The following KALRN variants were observed in gnomAD, a reference collection of about 807,000 sequenced individuals.
KALRN encodes the protein kalirin RhoGEF kinase, also known as kalirin.
Under a neutral mutation model 353.7 loss-of-function variants are expected in KALRN, and 70 were observed. The ratio of observed to expected loss-of-function variants is 0.20; its 90% CI spans 0.16 to 0.24. The LOEUF (loss-of-function observed/expected upper bound fraction) is 0.24, where lower values mean the gene tolerates loss of function less well. KALRN is among the 10% of genes least tolerant of loss of function. KALRN has a pLI of 1.00. For synonymous variants in KALRN, 1,391 were observed against 1,434.8 expected, an observed-to-expected ratio of 0.97 and a Z score of 0.69; for missense variants, 2,791 against 3,756.7, an observed-to-expected ratio of 0.74 and a Z score of 6.72.
At chr3:124,597,321 A>G (rs757585720) in intron 34 of KALRN, among the ~76,000 whole-genome samples, 15 of 151,894 alleles carry the variant, frequency 9.9e-5, no homozygotes, top group Non-Finnish European at 1.8e-4. Flanking sequence ...TAAATGTGAA[A>G]CAGTGATAAC....
chr3:124,477,533 A>AT (rs1222491565), intron 27 of KALRN, among the ~76,000 whole-genome samples, 199 bp downstream of exon 27: 3 of 152,204 alleles, frequency 2.0e-5, no homozygotes, highest in African/African-American at 7.2e-5. Context: ...GACCAAAGTG[A>AT]TTTTGTACGA....
intron 37 of KALRN, among the ~76,000 whole-genome samples, chr3:124,640,363 T>A (rs1042958466): frequency 6.6e-6 from 1 of 150,550 alleles, no homozygotes; most frequent in Admixed American, 6.6e-5. Flanking sequence ...CTCGGTTCTC[T>A]GCAACCTCCA....
intron 33 of KALRN, among the ~76,000 whole-genome samples, chr3:124,546,375 GA>G (rs1276026268): frequency 6.6e-6 from 1 of 151,920 alleles, no homozygotes; most frequent in Non-Finnish European, 1.5e-5. Context: ...GAGCTGGGGG[GA>G]TCACTTGAAC....
chr3:124,402,064 A>T (rs1431923573), intron 13 of KALRN, among the ~76,000 whole-genome samples: 1 of 152,132 alleles, frequency 6.6e-6, no homozygotes, highest in East Asian at 1.9e-4. Flanking sequence ...ATTCCTCAGG[A>T]TTACTGAACA....
chr3:124,424,427 TC>T (rs2092927502), intron 15 of KALRN, among the ~76,000 whole-genome samples: 1 of 152,146 alleles, frequency 6.6e-6, no homozygotes, highest in African/African-American at 2.4e-5. Flanking sequence ...TTAAAGGTAT[TC>T]CTTCCTCTGA....
At chr3:124,554,446 G>A (rs1219737516) in intron 33 of KALRN, among the ~76,000 whole-genome samples, 1 of 152,094 alleles carries the variant, frequency 6.6e-6, no homozygotes, top group East Asian at 1.9e-4. Flanking sequence ...ACATTATCTT[G>A]CAACTCATCT....
chr3:124,139,483 A>C (rs1560055510), intron 1 of KALRN, among the ~76,000 whole-genome samples: 2 of 152,182 alleles, frequency 1.3e-5, no homozygotes, highest in Admixed American at 1.3e-4. Flanking sequence ...GGCCCTGCAC[A>C]GTATAGACTC....
chr3:124,601,148 A>T (rs2076761312), intron 34 of KALRN, among the ~76,000 whole-genome samples: 3 of 152,340 alleles, frequency 2.0e-5, no homozygotes, highest in Admixed American at 2.0e-4. Flanking sequence ...CAATGTCTTC[A>T]TCTGCGCACT....
intron 34 of KALRN, among the ~76,000 whole-genome samples, chr3:124,574,433 A>C (rs1380845462): frequency 6.6e-6 from 1 of 152,274 alleles, no homozygotes; most frequent in Admixed American, 6.5e-5. Flanking sequence ...GCCCACTGTA[A>C]ATCTGTGACA....
chr3:124,093,159 T>G (rs996841272), intron 1 of KALRN, among the ~76,000 whole-genome samples: 1 of 152,178 alleles, frequency 6.6e-6, no homozygotes, highest in African/African-American at 2.4e-5. Context: ...TCCTTGCTCC[T>G]ACCCCCTGGA....
intron 1 of KALRN, among the ~76,000 whole-genome samples, chr3:124,221,635 T>C (rs1579586223): frequency 1.3e-5 from 2 of 152,202 alleles, no homozygotes. Flanking sequence ...GCCAAATCAA[T>C]ATGTGTGATG....
chr3:124,533,537 C>T (rs77298611), intron 33 of KALRN, among the ~76,000 whole-genome samples: 3,182 of 152,180 alleles, frequency 0.021, 77 homozygotes, highest in East Asian at 0.071. Context: ...TCAAGCTTCT[C>T]AGGAGGCTGA....
At chr3:124,453,071 G>T (rs1446009815) in intron 21 of KALRN, among the ~76,000 whole-genome samples, 1 of 152,104 alleles carries the variant, frequency 6.6e-6, no homozygotes, top group Admixed American at 6.5e-5. Context: ...AAGTCCTCAG[G>T]ATGCTTAGAC....
intron 13 of KALRN, among the ~76,000 whole-genome samples, chr3:124,403,334 T>C (rs957704915): frequency 1.1e-4 from 17 of 152,202 alleles, no homozygotes; most frequent in African/African-American, 3.1e-4. Context: ...TCTACCATCA[T>C]TGGATAATTT....
intron 21 of KALRN, among the ~76,000 whole-genome samples, chr3:124,454,417 A>G (rs541323323): frequency 1.8e-4 from 28 of 152,318 alleles, no homozygotes; most frequent in Non-Finnish European, 3.4e-4. Flanking sequence ...CTTCCTAAGG[A>G]TGCATCTAAA....
At chr3:124,040,413 G>C (rs1472264119) in intron 1 of KALRN, among the ~76,000 whole-genome samples, 1 of 151,872 alleles carries the variant, frequency 6.6e-6, no homozygotes, top group African/African-American at 2.4e-5. Flanking sequence ...CCCCATCATA[G>C]AACATTTAGC....
In KALRN at chr3:124,632,452, G is replaced by T. The variant is rs1389263997; in HGVS notation, c.5215G>T (p.Gly1739Cys). ...AYSHSSSENGGKSESVANLQA... is the reference protein window; with the variant it reads ...AYSHSSSENGCKSESVANLQA... ...CTCTCATTCCTCAAGCGAGAATGGAGGCAAGTCCGAGTCCGTGGCCAACCT... is the reference window on the plus strand; with the variant it reads ...CTCTCATTCCTCAAGCGAGAATGGATGCAAGTCCGAGTCCGTGGCCAACCT... Residue 1739 changes from glycine (G) to cysteine (C), a missense_variant, in exon 35 of 60, where the codon GGC becomes TGC. Physicochemically the swap from Gly to Cys is radical, Grantham distance 159. Coordinates refer to ENST00000682506, the MANE Select transcript of KALRN (RefSeq NM_001388419.1). The T allele has an allele frequency of 6.2e-7, 1 of 1,613,908 alleles. No individual in the cohort carries two copies. The highest frequency in any genetic ancestry group is 1.1e-5 in the South Asian group (1 of 91,060).
At chr3:124,636,116 T>C (rs2081326935) in intron 36 of KALRN, among the ~76,000 whole-genome samples, 1 of 152,184 alleles carries the variant, frequency 6.6e-6, no homozygotes, top group Admixed American at 6.5e-5. Context: ...TAATTATAAT[T>C]ATTTTCCTCC....
chr3:124,335,203 C>G (rs1433305635), intron 9 of KALRN, among the ~76,000 whole-genome samples: 1 of 152,132 alleles, frequency 6.6e-6, no homozygotes, highest in Non-Finnish European at 1.5e-5. Context: ...TACGGTCCAT[C>G]TGGGATGCAC....
Sources: allele counts gnomAD v4.1 joint callset (sites outside exome capture counted in the v4.1 genomes callset), GRCh38; gene constraint gnomAD v4.1.1; transcripts MANE v1.5; gene names NCBI Gene and HGNC (gene_info 2026-07-23, HGNC 2026-07-21).